Variants in NDUFS6 observed in about 807,000 individuals in gnomAD.
The protein encoded by NDUFS6 is NADH dehydrogenase [ubiquinone] iron-sulfur protein 6, mitochondrial.
NDUFS6 carries 14 observed loss-of-function variants against 13.2 expected under a neutral mutation model. That is an observed-to-expected ratio of 1.06 (90% CI 0.70 to 1.66). The LOEUF (loss-of-function observed/expected upper bound fraction) is 1.66. Among genes scored for constraint, NDUFS6 ranks in the 40% most tolerant of loss-of-function variants. The pLI, the probability that NDUFS6 is intolerant of heterozygous loss-of-function variation, is 0.00. For synonymous variants in NDUFS6, 95 were observed against 72.3 expected, an observed-to-expected ratio of 1.31 and a Z score of -1.60; for missense variants, 206 against 170.8, an observed-to-expected ratio of 1.21 and a Z score of -1.15.
chr5:1,805,601 G>A (rs941706447), intron 2 of NDUFS6, among the ~76,000 whole-genome samples: 1 of 152,202 alleles, frequency 6.6e-6, no homozygotes. Context: ...GGAGCAGGTG[G>A]CACTCTGGGG....
intron 2 of NDUFS6, among the ~76,000 whole-genome samples, chr5:1,812,850 C>G (rs924700445): frequency 6.6e-6 from 1 of 151,718 alleles, no homozygotes; most frequent in Non-Finnish European, 1.5e-5. Flanking sequence ...GTCAGGAGTT[C>G]GAGACCAGCC....
intron 2 of NDUFS6, among the ~76,000 whole-genome samples, chr5:1,807,402 A>C (rs1411094864): frequency 6.6e-6 from 1 of 152,224 alleles, no homozygotes; most frequent in Non-Finnish European, 1.5e-5. Context: ...TGGTGTCCTT[A>C]GAAATGGTAA....
rs763111965 is a variant in NDUFS6 at position 1,814,447 on chromosome 5, G to T, written c.295G>T (p.Val99Leu). 3.1e-6 allele frequency: 5 copies of T among 1,614,202 alleles called. 1 individual carries two copies. In the East Asian group the frequency reaches 1.1e-4, roughly 36 times the overall value. ...GGGGALGHPK[V>L]YINLDKETKT... is the part of the protein sequence containing the mutation. ...CGGGGGAGCTCTTGGCCACCCAAAA[G>T]TGTATATAAACTTGGTGCGTAGCTG... is the stretch of plus-strand genomic sequence containing the variant. The change falls in exon 3 of 4, where the codon GTG becomes TTG. Residue 99 changes from valine to leucine, a missense_variant. By Grantham distance (32) the Val-to-Leu change is conservative. Coordinates refer to ENST00000274137, the MANE Select transcript of NDUFS6 (RefSeq NM_004553.6). The surrounding 1 kb of genome is among the most constrained non-coding windows in gnomAD (Gnocchi z 4.9).
chr5:1,807,658 T>C (rs1488784273), intron 2 of NDUFS6, among the ~76,000 whole-genome samples: 1 of 152,208 alleles, frequency 6.6e-6, no homozygotes, highest in Non-Finnish European at 1.5e-5. Flanking sequence ...GGTGGTAACT[T>C]GTGTTATCAC....
At position 1,810,416 on chromosome 5, in the gene NDUFS6, C is replaced by T. The variant is rs144783238; in HGVS notation, c.187-3923C>T. On this transcript the variant is annotated intron_variant, in intron 2 of 3. Transcript: ENST00000274137. ...TACTTCCCATAGCTTCCCGGTTCTT[C>T]GTGCCTTGTCTTCCTGGCACTTAAT... is the stretch of plus-strand genomic sequence containing the variant. Among the ~76,000 whole-genome samples the T allele has an allele frequency of 4.1e-4, 62 of 152,284 alleles. No individual in the cohort carries two copies. In the East Asian group the frequency reaches 5.6e-3, roughly 14 times the overall value.
chr5:1,804,245 T>C (rs1323114520), intron 2 of NDUFS6, among the ~76,000 whole-genome samples: 1 of 152,272 alleles, frequency 6.6e-6, no homozygotes. Flanking sequence ...CCCAGCTCCC[T>C]ATCTCAGCTC....
Position 1,802,318 on chromosome 5 carries a change from C to T in NDUFS6, c.133-3C>T, listed in dbSNP as rs780930986. ...CACACATGGTCTTTTTGTTTTTTTC[C>T]AGGTTTATGATGATAAAGACTACAG... On this transcript the variant is annotated splice_polypyrimidine_tract_variant and splice_region_variant and intron_variant, in intron 1 of 3. Coordinates refer to ENST00000274137, the MANE Select transcript of NDUFS6 (RefSeq NM_004553.6). 3 of 1,613,216 alleles carry T rather than the reference C, an allele frequency of 1.9e-6. No individual in the cohort carries two copies. The highest frequency in any genetic ancestry group is 2.2e-5 in the East Asian group (1 of 44,862).
At chr5:1,806,242 G>A (rs1022588476) in intron 2 of NDUFS6, among the ~76,000 whole-genome samples, 5 of 152,234 alleles carry the variant, frequency 3.3e-5, no homozygotes, top group Non-Finnish European at 7.3e-5. Context: ...TCAGGATCAC[G>A]GAACAGCTGG....
chr5:1,801,942 C>T (rs888553750), intron 1 of NDUFS6, among the ~76,000 whole-genome samples: 1 of 152,182 alleles, frequency 6.6e-6, no homozygotes, highest in African/African-American at 2.4e-5. Flanking sequence ...AGCCCTAAGC[C>T]AAAATGAAGA....
intron 2 of NDUFS6, among the ~76,000 whole-genome samples, chr5:1,809,094 A>G (rs1276289979): frequency 6.6e-6 from 1 of 152,232 alleles, no homozygotes; most frequent in Non-Finnish European, 1.5e-5. Context: ...TTTGACTCCT[A>G]AAGATTTAAA....
Position 1,814,848 on chromosome 5 carries a change from G to T in NDUFS6, c.309+387G>T, listed in dbSNP as rs979159169. ...GGCTGCAGCCCAAGACCACCGTGCC[G>T]CTCTGTGGGTTCCTCCTGGGGCCTC... is the stretch of plus-strand genomic sequence containing the variant. On this transcript the variant is annotated intron_variant, in intron 3 of 3. Transcript: ENST00000274137. This position sits in a 1 kb window ranked among gnomAD's most constrained non-coding sequence, Gnocchi z 4.9. 9.8e-6 allele frequency: 6 copies of T among 615,012 alleles called. No individual in the cohort carries two copies. The African/African-American group carries it at 1.1e-4, about 11-fold the overall frequency. 38.1% of individuals were successfully genotyped at this position (615,012 alleles called of 1,614,324 possible). A position where few individuals can be genotyped will look rare whatever the true frequency, so the allele number is the denominator to read the frequency against.
chr5:1,802,425 T>C, intron 2 of NDUFS6, 51 bp downstream of exon 2: 1 of 1,444,428 alleles, frequency 6.9e-7, no homozygotes, highest in Admixed American at 1.7e-5. Context: ...AACTTTTATG[T>C]AACCAACAAG....
intron 2 of NDUFS6, among the ~76,000 whole-genome samples, chr5:1,809,398 G>A (rs1734183047): frequency 6.6e-6 from 1 of 152,302 alleles, no homozygotes; most frequent in East Asian, 1.9e-4. Context: ...TTGTGTTGTG[G>A]CTGGGTGTGT....
chr5:1,812,303 T>TG (rs1415326909), intron 2 of NDUFS6, among the ~76,000 whole-genome samples: 1 of 152,014 alleles, frequency 6.6e-6, no homozygotes, highest in Non-Finnish European at 1.5e-5. Context: ...GGCCCCGCCC[T>TG]GTCTCTCAAC....
Position 1,816,005 on chromosome 5 carries a change from G to A in NDUFS6, c.*89G>A. The A allele has an allele frequency of 7.3e-7, 1 of 1,368,566 alleles. No homozygotes were observed. Among genetic ancestry groups the A allele is most frequent in the South Asian group, 1.2e-5 (1 of 86,102 alleles). 84.8% of individuals were successfully genotyped at this position (1,368,566 alleles called of 1,614,324 possible). On this transcript the variant is annotated 3_prime_UTR_variant, in exon 4 of 4. Coordinates refer to ENST00000274137, the MANE Select transcript of NDUFS6 (RefSeq NM_004553.6). Reference sequence around the variant, plus strand: ...GTGAAGCTCGCTGGTTCTGTGCGAAGGGTATTCCTGGTGCTGAATAAAGGG... The same window carrying A: ...GTGAAGCTCGCTGGTTCTGTGCGAAAGGTATTCCTGGTGCTGAATAAAGGG...
intron 2 of NDUFS6, among the ~76,000 whole-genome samples, chr5:1,809,093 T>G (rs1366302645): frequency 6.6e-6 from 1 of 152,182 alleles, no homozygotes; most frequent in African/African-American, 2.4e-5. Flanking sequence ...CTTTGACTCC[T>G]AAAGATTTAA....
In NDUFS6 at chr5:1,814,377, G is replaced by C. The variant is rs1210326537; in HGVS notation, c.225G>C (p.Gln75His). Reference sequence around the variant, plus strand: ...TTGCCATTGATTTGATAGCAGAGCAGCCCGTGAGCGAGGTGGAGACTCGGG... The same window carrying C: ...TTGCCATTGATTTGATAGCAGAGCACCCCGTGAGCGAGGTGGAGACTCGGG... ...ENFAIDLIAE[Q>H]PVSEVETRVI... Residue 75 changes from glutamine (Q) to histidine (H), a missense_variant, in exon 3 of 4, where the codon CAG (glutamine) becomes CAC (histidine). Transcript: ENST00000274137. The surrounding 1 kb of genome is among the most constrained non-coding windows in gnomAD (Gnocchi z 4.9). 1 of 1,614,078 alleles carries C rather than the reference G, an allele frequency of 6.2e-7. No individual in the cohort carries two copies. The highest frequency in any genetic ancestry group is 1.3e-5 in the African/African-American group (1 of 74,928).
rs202186490 is a variant in NDUFS6, at chr5:1,815,932, G to A, written c.*16G>A. 6.0e-5 allele frequency: 97 copies of A among 1,613,856 alleles called. No homozygotes were observed. Among genetic ancestry groups the A allele is most frequent in the East Asian group, 2.5e-4 (11 of 44,890 alleles). On this transcript the variant is annotated 3_prime_UTR_variant, in exon 4 of 4. Coordinates refer to ENST00000274137, the MANE Select transcript of NDUFS6 (RefSeq NM_004553.6). ...CCACCACTAGAGCGTGTGGCACGCC[G>A]GGGGTCCCGCAGCATCCTGTGAGCA...
chr5:1,808,419 T>G (rs1275565201), intron 2 of NDUFS6, among the ~76,000 whole-genome samples: 1 of 152,234 alleles, frequency 6.6e-6, no homozygotes, highest in African/African-American at 2.4e-5. Context: ...CTTTGCTTCC[T>G]TTAGAAAGGC....
Sources: allele counts gnomAD v4.1 joint callset (sites outside exome capture counted in the v4.1 genomes callset), GRCh38; gene constraint gnomAD v4.1.1; non-coding constraint Gnocchi (gnomAD v3.1); transcripts MANE v1.5; gene names NCBI Gene and HGNC (gene_info 2026-07-23, HGNC 2026-07-21).